The following GSDMC variants were observed in gnomAD, a reference collection of about 807,000 sequenced individuals.
The protein encoded by GSDMC is gasdermin-C.
GSDMC carries 59 observed loss-of-function variants against 58.0 expected under a neutral mutation model. The observed-to-expected ratio is 1.02, with a 90% confidence interval of 0.82 to 1.26. GSDMC has a LOEUF of 1.26. GSDMC is among the 50% of genes most tolerant of loss of function. The probability of loss-of-function intolerance (pLI) is 0.00; values close to 1 mark genes in which losing one functional copy is unlikely to be tolerated. For missense variants in GSDMC, 659 were observed against 598.5 expected, an observed-to-expected ratio of 1.10 and a Z score of -1.06; for synonymous variants, 241 against 220.2, an observed-to-expected ratio of 1.09 and a Z score of -0.83.
the GSDMC span, among the ~76,000 whole-genome samples, chr8:129,722,564 T>C: frequency 2.0e-5 from 3 of 152,194 alleles, no homozygotes; most frequent in Non-Finnish European, 4.4e-5. Flanking sequence ...CATGAGTTTT[T>C]CTCTCTTTCT....
downstream of GSDMC, among the ~76,000 whole-genome samples, chr8:129,743,245 C>T (rs117554340): frequency 0.025 from 3,798 of 152,220 alleles, 65 homozygotes; most frequent in Middle Eastern, 0.14. Context: ...TGTGTTATAT[C>T]GTATCACAGG....
chr8:129,752,578 G>T, intron 7 of GSDMC, 120 bp downstream of exon 7: 1 of 1,414,968 alleles, frequency 7.1e-7, no homozygotes, highest in South Asian at 1.4e-5. Flanking sequence ...GGATGAGCAA[G>T]ATGGTGCAAT....
At chr8:129,738,047 C>T in the GSDMC span, among the ~76,000 whole-genome samples, 31 of 152,186 alleles carry the variant, frequency 2.0e-4, no homozygotes, top group African/African-American at 7.2e-4. Context: ...ATGCAGCCAA[C>T]AGACAGACAT....
At chr8:129,781,194 A>C (rs1178641821) in intron 1 of GSDMC, among the ~76,000 whole-genome samples, 2 of 152,194 alleles carry the variant, frequency 1.3e-5, no homozygotes, top group African/African-American at 4.8e-5. Context: ...TAATAACATT[A>C]AATGTAAATG....
At position 129,777,602 on chromosome 8, in the gene GSDMC, A is replaced by C. The variant is rs777781922; in HGVS notation, c.-4-11T>G. The C allele has an allele frequency of 1.4e-6, 2 of 1,397,748 alleles. No individual in the cohort carries two copies. Among genetic ancestry groups the C allele is most frequent in the Admixed American group, 1.7e-5 (1 of 59,768 alleles). 86.6% of individuals were successfully genotyped at this position (1,397,748 alleles called of 1,614,324 possible). A position where few individuals can be genotyped will look rare whatever the true frequency, so the allele number is the denominator to read the frequency against. On this transcript the variant is annotated splice_polypyrimidine_tract_variant and intron_variant, in intron 1 of 13. Coordinates refer to ENST00000276708, the MANE Select transcript of GSDMC (RefSeq NM_031415.3). ...ATGGAGGGCATGTTGCTAGGAGGAG[A>C]TGAAAGGAGAGCATCAGTTGGGAGA...
In GSDMC at chr8:129,761,038, G is replaced by C. The variant is rs2033639899; in HGVS notation, c.677-449C>G. On this transcript the variant is annotated intron_variant, in intron 5 of 13. Coordinates refer to ENST00000276708, the MANE Select transcript of GSDMC (RefSeq NM_031415.3). ...GAAGAAGACAAAAAGTTGTATAAGG[G>C]TTGAAAAGTGTGAACTGAATGAAGT... Among the ~76,000 whole-genome samples the C allele has an allele frequency of 2.0e-5, 3 of 152,166 alleles. No homozygotes were observed. The South Asian group carries it at 6.2e-4, about 32-fold the overall frequency.
the GSDMC span, among the ~76,000 whole-genome samples, chr8:129,710,506 T>A: frequency 6.6e-6 from 1 of 152,308 alleles, no homozygotes; most frequent in East Asian, 1.9e-4. Flanking sequence ...TTCAGAGTCA[T>A]CAGCTCAAAG....
the GSDMC span, among the ~76,000 whole-genome samples, chr8:129,732,293 A>C: frequency 6.6e-6 from 1 of 151,924 alleles, no homozygotes; most frequent in Non-Finnish European, 1.5e-5. Context: ...ATAAATTAAA[A>C]AAAAAAAAAA....
At chr8:129,715,871 A>C in the GSDMC span, among the ~76,000 whole-genome samples, 1 of 152,198 alleles carries the variant, frequency 6.6e-6, no homozygotes, top group Non-Finnish European at 1.5e-5. Flanking sequence ...TTTATAATAC[A>C]TGTACAAGTA....
chr8:129,744,357 C>T (rs2032921921), downstream of GSDMC, among the ~76,000 whole-genome samples: 1 of 152,122 alleles, frequency 6.6e-6, no homozygotes, highest in Non-Finnish European at 1.5e-5. Context: ...TGAAAGCCTA[C>T]TCAATATTTT....
At chr8:129,708,353 G>A in the GSDMC span, among the ~76,000 whole-genome samples, 1 of 152,238 alleles carries the variant, frequency 6.6e-6, no homozygotes, top group East Asian at 1.9e-4. Context: ...GCTTATGGGA[G>A]CTGCCTTAGC....
Position 129,751,523 on chromosome 8 carries a change from C to T in GSDMC, c.943+19G>A, listed in dbSNP as rs1205519411. The T allele has an allele frequency of 1.2e-6, 2 of 1,606,808 alleles. No individual in the cohort carries two copies. The highest frequency in any genetic ancestry group is 3.4e-5 in the Admixed American group (2 of 59,682). ...GCTCCCACCCAGAAGCCCCAGGTTCCCCCTTAATAAATACTTACTTTGCCA... is the reference window on the plus strand; with the variant it reads ...GCTCCCACCCAGAAGCCCCAGGTTCTCCCTTAATAAATACTTACTTTGCCA... On this transcript the variant is annotated intron_variant, in intron 10 of 13. Coordinates refer to ENST00000276708, the MANE Select transcript of GSDMC (RefSeq NM_031415.3).
In GSDMC at chr8:129,776,142, C is replaced by A; in HGVS notation, c.364G>T (p.Val122Phe). 2 of 1,614,022 alleles carry A rather than the reference C, an allele frequency of 1.2e-6. No homozygotes were observed. The highest frequency in any genetic ancestry group is 1.7e-6 in the Non-Finnish European group (2 of 1,179,944). The stretch of plus-strand genomic sequence containing the variant: ...TCCAGGTTTGGTGATGGGATGGTAA[C>A]AATTTGAAACTCGAGGGAGCATCCA... ...DHGCSLEFQI[V>F]TIPSPNLEDF... The change falls in exon 3 of 14, where the codon GTT (valine) becomes TTT (phenylalanine). Residue 122 changes from valine (V) to phenylalanine (F), a missense_variant. By Grantham distance (50) the Val-to-Phe change is conservative. Transcript: ENST00000276708.
chr8:129,780,241 C>G (rs1307800778), intron 1 of GSDMC, among the ~76,000 whole-genome samples: 1 of 152,108 alleles, frequency 6.6e-6, no homozygotes, highest in Non-Finnish European at 1.5e-5. Context: ...AAAGGGAGAA[C>G]TTCCCAAAGC....
intron 6 of GSDMC, among the ~76,000 whole-genome samples, chr8:129,756,478 C>T (rs1347570675): frequency 6.6e-6 from 1 of 152,076 alleles, no homozygotes. Flanking sequence ...ACCCTACTTT[C>T]AGCACTGAAC....
At chr8:129,761,825 C>A (rs112383630) in intron 5 of GSDMC, among the ~76,000 whole-genome samples, 3 of 152,152 alleles carry the variant, frequency 2.0e-5, no homozygotes, top group African/African-American at 7.2e-5. Flanking sequence ...GACAGTTCAG[C>A]CTCATTCTGT....
chr8:129,777,301 T>C (rs1237339382), intron 2 of GSDMC, 67 bp downstream of exon 2: 1 of 942,864 alleles, frequency 1.1e-6, no homozygotes, highest in African/African-American at 1.6e-5. Context: ...CTTTGGATGG[T>C]GGGCCATCTT....
chr8:129,777,308 T>A, intron 2 of GSDMC, 60 bp downstream of exon 2: 1 of 1,042,356 alleles, frequency 9.6e-7, no homozygotes. Flanking sequence ...TGGTGGGCCA[T>A]CTTTTTCTGA....
chr8:129,711,291 A>T, the GSDMC span, among the ~76,000 whole-genome samples: 2 of 152,296 alleles, frequency 1.3e-5, no homozygotes, highest in South Asian at 4.1e-4. Flanking sequence ...TATCCATGTC[A>T]TCTAGTTGAA....
Sources: gnomAD v4.1 joint callset for allele counts (sites outside exome capture counted in the v4.1 genomes callset) on GRCh38, gnomAD v4.1.1 for gene constraint, MANE v1.5 for transcripts, NCBI Gene and HGNC (gene_info 2026-07-23, HGNC 2026-07-21) for gene names.